The following DNAH7 variants were observed in gnomAD, a reference collection of about 807,000 sequenced individuals.
DNAH7 encodes dynein axonemal heavy chain 7.
A neutral mutation model predicts 444.6 loss-of-function variants in DNAH7; 397 were observed. The observed-to-expected ratio is 0.89, with a 90% CI of 0.82 to 0.97. The LOEUF is 0.97. Among genes scored for constraint, DNAH7 ranks in the 50% least tolerant of loss-of-function variants. The pLI is 0.00. For missense variants in DNAH7, 4,902 were observed against 4,800.8 expected, an observed-to-expected ratio of 1.02 and a Z score of -0.62; for synonymous variants, 1,636 against 1,624.4, an observed-to-expected ratio of 1.01 and a Z score of -0.17.
chr2:195,941,742 G>A (rs1321245450), intron 19 of DNAH7, among the ~76,000 whole-genome samples: 3 of 151,984 alleles, frequency 2.0e-5, no homozygotes, highest in Non-Finnish European at 4.4e-5. Context: ...TTCAAGAAAG[G>A]AAATGTAGGT....
chr2:195,790,775 GC>G (rs1393643108), intron 57 of DNAH7, among the ~76,000 whole-genome samples: 1 of 152,064 alleles, frequency 6.6e-6, no homozygotes, highest in Non-Finnish European at 1.5e-5. Context: ...CTCAAAATTG[GC>G]CTTGGAAAAT....
At chr2:195,991,642 A>T (rs2125651609) in intron 12 of DNAH7, among the ~76,000 whole-genome samples, 1 of 152,366 alleles carries the variant, frequency 6.6e-6, no homozygotes, top group East Asian at 1.9e-4. Context: ...AACCCTGTAC[A>T]TATAAACACA....
At chr2:195,979,449 C>G (rs1692417270) in intron 15 of DNAH7, among the ~76,000 whole-genome samples, 1 of 151,896 alleles carries the variant, frequency 6.6e-6, no homozygotes, top group South Asian at 2.1e-4. Context: ...CATAACATAC[C>G]AAAACCTATG....
chr2:196,001,600 TG>T, intron 11 of DNAH7, 74 bp downstream of exon 11: 1 of 1,287,144 alleles, frequency 7.8e-7, no homozygotes, highest in Non-Finnish European at 1.0e-6. Flanking sequence ...CTGATAGAGA[TG>T]TTATTTTCCT....
At chr2:196,013,123 C>T (rs1028954701) in intron 9 of DNAH7, among the ~76,000 whole-genome samples, 10 of 152,012 alleles carry the variant, frequency 6.6e-5, no homozygotes, top group African/African-American at 2.4e-4. Flanking sequence ...CATAACTTCA[C>T]TGTGAAGTAG....
intron 8 of DNAH7, among the ~76,000 whole-genome samples, chr2:196,022,760 T>C (rs1166556575): frequency 1.3e-5 from 2 of 152,328 alleles, no homozygotes; most frequent in East Asian, 3.9e-4. Context: ...CCACCTTGTA[T>C]GAATCACAAA....
intron 9 of DNAH7, among the ~76,000 whole-genome samples, chr2:196,017,213 C>T (rs1695084031): frequency 6.6e-6 from 1 of 152,122 alleles, no homozygotes; most frequent in Admixed American, 6.5e-5. Context: ...CGAGGTTTCA[C>T]CATCTTCGGC....
intron 8 of DNAH7, among the ~76,000 whole-genome samples, chr2:196,022,526 T>C (rs1053874091): frequency 6.6e-5 from 10 of 152,220 alleles, no homozygotes; most frequent in Non-Finnish European, 2.9e-5. Flanking sequence ...AACCACTGTT[T>C]TTGCTCATCC....
chr2:195,852,357 C>T (rs1030729420), intron 46 of DNAH7, among the ~76,000 whole-genome samples: 4 of 152,034 alleles, frequency 2.6e-5, no homozygotes, highest in Admixed American at 2.0e-4. Context: ...ATTGAGACCA[C>T]GTGTAAGCCA....
At chr2:196,033,683 T>C (rs1039371756) in intron 5 of DNAH7, among the ~76,000 whole-genome samples, 2 of 152,176 alleles carry the variant, frequency 1.3e-5, no homozygotes, top group Non-Finnish European at 2.9e-5. Context: ...TTTTAATCCA[T>C]TCATCTGCTG....
chr2:195,888,946 T>C lies in DNAH7; in HGVS notation c.5082A>G (p.Pro1694=). The change falls in exon 32 of 65, where the codon CCA becomes CCG. Residue 1694 remains proline (P), a synonymous_variant. Transcript: ENST00000312428. ...PDRKWLIFDG[P]VDAVWIENMN... ...TATTCTCAATCCACACTGCATCTAC[T>C]GGGCCATCAAAAATTAACCATTTCC... 1 of 1,613,242 alleles carries C rather than the reference T, an allele frequency of 6.2e-7. No homozygotes were observed. The highest frequency in any genetic ancestry group is 1.1e-5 in the South Asian group (1 of 90,660).
chr2:195,873,216 G>A (rs11885074), intron 39 of DNAH7, among the ~76,000 whole-genome samples: 9,548 of 152,182 alleles, frequency 0.063, 409 homozygotes, highest in African/African-American at 0.12. Context: ...CAGCTCCAAG[G>A]CATTACTTCT....
intron 15 of DNAH7, among the ~76,000 whole-genome samples, chr2:195,981,569 T>C (rs967886376): frequency 2.0e-5 from 3 of 152,020 alleles, no homozygotes; most frequent in African/African-American, 7.3e-5. Flanking sequence ...AATTATACTA[T>C]AGAGCTACAG....
rs548428803 is a variant in DNAH7, at chr2:195,931,324, C to A, written c.3471+3267G>T. On this transcript the variant is annotated intron_variant, in intron 21 of 64. Coordinates refer to ENST00000312428, the MANE Select transcript of DNAH7 (RefSeq NM_018897.3). ...TTCATTGTAGATTCTGGATATTAGGCCTTTGTCAGATGAGTAGGTTGCGAA... is the reference window on the plus strand; with the variant it reads ...TTCATTGTAGATTCTGGATATTAGGACTTTGTCAGATGAGTAGGTTGCGAA... Among the ~76,000 whole-genome samples the A allele has an allele frequency of 1.1e-4, 16 of 151,942 alleles. No homozygotes were observed. The South Asian group carries it at 3.3e-3, about 32-fold the overall frequency.
intron 19 of DNAH7, among the ~76,000 whole-genome samples, chr2:195,956,673 A>AT (rs1690683299): frequency 1.3e-5 from 2 of 151,672 alleles, no homozygotes; most frequent in East Asian, 3.9e-4. Context: ...AAGTCTTCTG[A>AT]ATTGAACAAA....
chr2:195,943,962 G>A (rs563620789), intron 19 of DNAH7, among the ~76,000 whole-genome samples: 2 of 152,132 alleles, frequency 1.3e-5, no homozygotes, highest in African/African-American at 4.8e-5. Context: ...CTCGCTTTTA[G>A]GTATATTCTC....
intron 12 of DNAH7, among the ~76,000 whole-genome samples, chr2:195,996,577 C>G (rs150618015): frequency 6.6e-6 from 1 of 152,100 alleles, no homozygotes; most frequent in East Asian, 1.9e-4. Context: ...AGGTGCCCAC[C>G]ACCATGCCCG....
rs759861299 is a variant in DNAH7, at chr2:195,922,145, T to G, written c.3878A>C (p.Glu1293Ala). The part of the protein sequence containing the change: ...MINAGLRYGY[E>A]YLGNSPRLVI... Reference sequence around the variant, plus strand: ...CAGCCTAGGGGAATTACCCAGATATTCATATCCATATCGCAAACCAGCATT... The same window carrying G: ...CAGCCTAGGGGAATTACCCAGATATGCATATCCATATCGCAAACCAGCATT... Residue 1293 changes from glutamate (E) to alanine (A), a missense_variant, in exon 24 of 65, where the codon GAA becomes GCA. By Grantham distance (107) the Glu-to-Ala change is moderately radical (BLOSUM62 -1). Coordinates refer to ENST00000312428, the MANE Select transcript of DNAH7 (RefSeq NM_018897.3). 6.8e-6 allele frequency: 11 copies of G among 1,613,448 alleles called. No individual in the cohort carries two copies. The African/African-American group carries it at 1.5e-4, about 22-fold the overall frequency.
chr2:196,005,140 G>A (rs59846668), intron 10 of DNAH7, among the ~76,000 whole-genome samples: 10,231 of 151,668 alleles, frequency 0.067, 459 homozygotes, highest in African/African-American at 0.13. Flanking sequence ...CGGGTGTGGT[G>A]GTGGGCACCT....
Sources: gnomAD v4.1 joint callset for allele counts (sites outside exome capture counted in the v4.1 genomes callset) on GRCh38, gnomAD v4.1.1 for gene constraint, MANE v1.5 for transcripts, NCBI Gene and HGNC (gene_info 2026-07-23, HGNC 2026-07-21) for gene names.